Variants in MTUS2 observed in about 807,000 individuals in gnomAD.
MTUS2 encodes microtubule-associated tumor suppressor candidate 2.
Under a neutral mutation model 114.1 loss-of-function variants are expected in MTUS2, and 40 were observed. That is an observed-to-expected ratio of 0.35 (90% CI 0.27 to 0.46). MTUS2 has a LOEUF of 0.46. Among genes scored for constraint, MTUS2 ranks in the 20% least tolerant of loss-of-function variants. The pLI is 1.00. For synonymous variants in MTUS2, 688 were observed against 672.0 expected (o/e 1.02, Z -0.37); for missense variants, 1,679 against 1,705.4 (o/e 0.98, Z 0.27).
intron 7 of MTUS2, among the ~76,000 whole-genome samples, chr13:29,335,590 C>T (rs1392805645): frequency 6.6e-6 from 1 of 152,130 alleles, no homozygotes; most frequent in Admixed American, 6.5e-5. Flanking sequence ...TGGAACCTGC[C>T]AACATGTGAT....
chr13:29,307,878 C>T, intron 6 of MTUS2: 2 of 569,658 alleles, frequency 3.5e-6, no homozygotes, highest in East Asian at 3.3e-5. Flanking sequence ...CACTGAGAAT[C>T]CCCCCTCCTC....
At chr13:29,209,245 C>T (rs1331704392) in intron 5 of MTUS2, among the ~76,000 whole-genome samples, 1 of 152,076 alleles carries the variant, frequency 6.6e-6, no homozygotes, top group Non-Finnish European at 1.5e-5. Context: ...ATAGCTACTC[C>T]TGCTCACTTC....
intron 7 of MTUS2, among the ~76,000 whole-genome samples, chr13:29,325,585 GGAA>G (rs71192604): frequency 0.02 from 2,991 of 148,120 alleles, 72 homozygotes; most frequent in African/African-American, 0.071. Flanking sequence ...AGGAGGAAGA[GGAA>G]GAAGAAGAAG....
At chr13:29,199,856 G>A (rs972839878) in intron 5 of MTUS2, among the ~76,000 whole-genome samples, 2 of 152,034 alleles carry the variant, frequency 1.3e-5, no homozygotes, top group African/African-American at 2.4e-5. Flanking sequence ...ATTAATTACT[G>A]CCTCAATTTC....
At chr13:29,476,742 G>T in intron 9 of MTUS2, 1 of 152,110 alleles carries the variant, frequency 6.6e-6, no homozygotes, top group East Asian at 1.9e-4. Context: ...TTCCCTCCAA[G>T]GCAGCTGGAT....
chr13:28,882,268 A>T (rs1001770777), intron 2 of MTUS2, among the ~76,000 whole-genome samples: 2 of 152,052 alleles, frequency 1.3e-5, no homozygotes, highest in Non-Finnish European at 2.9e-5. Context: ...GGCTCATCTC[A>T]AACTTCTGAC....
chr13:29,044,252 G>T (rs1052539600), intron 4 of MTUS2, among the ~76,000 whole-genome samples: 8 of 151,086 alleles, frequency 5.3e-5, no homozygotes, highest in African/African-American at 1.7e-4. Flanking sequence ...AATATTTAAA[G>T]ATGCTGTTTT....
intron 4 of MTUS2, among the ~76,000 whole-genome samples, chr13:29,055,577 C>T (rs751221381): frequency 6.6e-6 from 1 of 152,038 alleles, no homozygotes; most frequent in East Asian, 1.9e-4. Context: ...TCAATATGTA[C>T]TCAATATCTA....
chr13:29,255,017 A>AT (rs945624381), intron 5 of MTUS2, among the ~76,000 whole-genome samples: 2 of 151,972 alleles, frequency 1.3e-5, no homozygotes, highest in African/African-American at 4.8e-5. Flanking sequence ...GCACCCTGTG[A>AT]TTTTTTCCTG....
chr13:29,311,242 C>T (rs1330645939), intron 6 of MTUS2, among the ~76,000 whole-genome samples: 2 of 152,188 alleles, frequency 1.3e-5, no homozygotes, highest in African/African-American at 4.8e-5. Flanking sequence ...CTACAGACTT[C>T]TTGACAGTTG....
chr13:29,486,398 A>G (rs1229605522), intron 10 of MTUS2, among the ~76,000 whole-genome samples: 1 of 152,210 alleles, frequency 6.6e-6, no homozygotes, highest in African/African-American at 2.4e-5. Flanking sequence ...TAAAACAAAT[A>G]TATCCTCACG....
intron 9 of MTUS2, among the ~76,000 whole-genome samples, chr13:29,450,017 G>A (rs1388590346): frequency 1.3e-5 from 2 of 152,236 alleles, no homozygotes; most frequent in African/African-American, 4.8e-5. Context: ...ACCGCAAGGT[G>A]GAGGACCATG....
At chr13:28,914,353 C>T (rs1464757181) in intron 2 of MTUS2, among the ~76,000 whole-genome samples, 1 of 152,054 alleles carries the variant, frequency 6.6e-6, no homozygotes, top group Non-Finnish European at 1.5e-5. Flanking sequence ...TCATTATTTA[C>T]CCAGGAGTCA....
intron 9 of MTUS2, among the ~76,000 whole-genome samples, chr13:29,448,538 C>T (rs1250475120): frequency 6.6e-6 from 1 of 151,706 alleles, no homozygotes; most frequent in Admixed American, 6.6e-5. Flanking sequence ...CCTGCAGCTG[C>T]CCCCAGTCCC....
At position 29,389,248 on chromosome 13, in the gene MTUS2, T is replaced by C. The variant is rs955536656; in HGVS notation, c.3117+29775T>C. On this transcript the variant is annotated intron_variant, in intron 8 of 15. Transcript: ENST00000612955. ...ATGTATATATGTATGTGTGTATATA[T>C]ATGTATACACATGTGTGTATATATG... Among the ~76,000 whole-genome samples, 8 of 149,742 alleles carry C rather than the reference T, an allele frequency of 5.3e-5. 1 individual carries two copies. Among genetic ancestry groups the C allele is most frequent in the African/African-American group, 1.7e-4 (7 of 40,282 alleles).
intron 2 of MTUS2, among the ~76,000 whole-genome samples, chr13:29,004,731 A>G (rs1273282166): frequency 6.6e-6 from 1 of 152,224 alleles, no homozygotes; most frequent in Non-Finnish European, 1.5e-5. Context: ...CTTTCAGCAA[A>G]TACAAACTGA....
intron 5 of MTUS2, among the ~76,000 whole-genome samples, chr13:29,148,094 C>T (rs1265034507): frequency 1.3e-5 from 2 of 152,268 alleles, no homozygotes; most frequent in Non-Finnish European, 1.5e-5. Context: ...TCCACAGCCT[C>T]ACCACCATCT....
At position 29,263,538 on chromosome 13, in the gene MTUS2, A is replaced by G. The variant is rs189437378; in HGVS notation, c.2645-18166A>G. Reference sequence around the variant, plus strand: ...AAGAAAGGGGGTTTAATTGACTCACAGTTCTGCAGGCTTTACAGGAAGCAT... The same window carrying G: ...AAGAAAGGGGGTTTAATTGACTCACGGTTCTGCAGGCTTTACAGGAAGCAT... On this transcript the variant is annotated intron_variant, in intron 5 of 15. Transcript: ENST00000612955. 3.3e-5 allele frequency among the ~76,000 whole-genome samples: 5 copies of G among 152,344 alleles called. 1 individual carries two copies. The East Asian group carries it at 9.6e-4, about 29-fold the overall frequency.
intron 5 of MTUS2, among the ~76,000 whole-genome samples, chr13:29,178,208 T>A (rs1893854952): frequency 6.6e-6 from 1 of 152,162 alleles, no homozygotes; most frequent in African/African-American, 2.4e-5. Context: ...GCTATAAAAT[T>A]TAAAGTTTAA....
Sources: gnomAD v4.1 joint callset for allele counts (sites outside exome capture counted in the v4.1 genomes callset) on GRCh38, gnomAD v4.1.1 for gene constraint, MANE v1.5 for transcripts, NCBI Gene and HGNC (gene_info 2026-07-23, HGNC 2026-07-21) for gene names.